The following CXADR variants were observed in gnomAD, a reference collection of about 807,000 sequenced individuals.
The protein encoded by CXADR is CXADR cell adhesion molecule.
CXADR carries 20 observed loss-of-function variants against 40.3 expected under a neutral mutation model. The ratio of observed to expected loss-of-function variants is 0.50; its 90% CI spans 0.35 to 0.72. CXADR has a LOEUF of 0.72. CXADR is among the 30% of genes least tolerant of loss of function. The pLI, the probability that CXADR is intolerant of heterozygous loss-of-function variation, is 0.01. For missense variants in CXADR, 332 were observed against 449.1 expected (o/e 0.74, Z 2.36); for synonymous variants, 150 against 161.3 (o/e 0.93, Z 0.53).
chr21:17,549,715 G>A (rs1250213548), intron 2 of CXADR, among the ~76,000 whole-genome samples: 3 of 152,178 alleles, frequency 2.0e-5, no homozygotes, highest in Non-Finnish European at 4.4e-5. Flanking sequence ...CAGCGGGAAT[G>A]CATCTTATTT....
At chr21:17,547,616 A>T (rs1375756495) in intron 2 of CXADR, among the ~76,000 whole-genome samples, 1 of 152,186 alleles carries the variant, frequency 6.6e-6, no homozygotes, top group East Asian at 1.9e-4. Flanking sequence ...GAAATTTTTA[A>T]GTTTTACCCA....
the CXADR span, among the ~76,000 whole-genome samples, chr21:17,634,639 C>T: frequency 6.6e-6 from 1 of 152,196 alleles, no homozygotes; most frequent in Non-Finnish European, 1.5e-5. Context: ...GCCTATGATA[C>T]ATCACAGACT....
chr21:17,568,754 T>C lies in CXADR; in HGVS notation c.*3062T>C, dbSNP rs2061247812. 1.0e-6 allele frequency: 1 copy of C among 985,104 alleles called. No homozygotes were observed. The highest frequency in any genetic ancestry group is 6.2e-5 in the Admixed American group (1 of 16,228). The allele number at this position is 985,104 out of a possible 1,614,324, so 61.0% of individuals were successfully genotyped here. A position where few individuals can be genotyped will look rare whatever the true frequency, so the allele number is the denominator to read the frequency against. ...TTTTTTTCTTACTGGTAATCTTAACTAATATGATTCCCTTGTTAGAGAGCC... is the reference window on the plus strand; with the variant it reads ...TTTTTTTCTTACTGGTAATCTTAACCAATATGATTCCCTTGTTAGAGAGCC... On this transcript the variant is annotated 3_prime_UTR_variant, in exon 7 of 7. Coordinates refer to ENST00000284878, the MANE Select transcript of CXADR (RefSeq NM_001338.5).
intron 1 of CXADR, among the ~76,000 whole-genome samples, chr21:17,546,552 G>C (rs938351017): frequency 2.0e-5 from 3 of 152,072 alleles, no homozygotes; most frequent in African/African-American, 7.2e-5. Flanking sequence ...TAAACAACCA[G>C]ATCTCCTGAG....
At chr21:17,585,674 C>T (rs1480219260) in intron 7 of CXADR, among the ~76,000 whole-genome samples, 10 of 152,076 alleles carry the variant, frequency 6.6e-5, no homozygotes, top group African/African-American at 2.2e-4. Context: ...CGTGCCACTA[C>T]GCCCAGCTAA....
In CXADR at chr21:17,547,043, G is replaced by A; in HGVS notation, c.60G>A (p.Leu20=). Residue 20 remains leucine, a synonymous_variant, in exon 2 of 7, where the codon TTG becomes TTA. Transcript: ENST00000284878. The part of the protein sequence containing the change: ...LCGVVDFARS[L]SITTPEEMIE... ...TTTCTCTAGATTTCGCCAGAAGTTT[G>A]AGTATCACTACTCCTGAAGAGATGA... 1.2e-6 allele frequency: 2 copies of A among 1,612,774 alleles called. No homozygotes were observed. Among genetic ancestry groups the A allele is most frequent in the Non-Finnish European group, 1.7e-6 (2 of 1,179,896 alleles).
chr21:17,582,024 C>G (rs1362548767), intron 7 of CXADR, among the ~76,000 whole-genome samples: 1 of 115,944 alleles, frequency 8.6e-6, no homozygotes, highest in African/African-American at 3.5e-5. Flanking sequence ...CACTGCAAAC[C>G]TCTGCCCTCC....
intron 7 of CXADR, among the ~76,000 whole-genome samples, chr21:17,578,330 A>G (rs953914343): frequency 5.3e-5 from 8 of 152,258 alleles, no homozygotes; most frequent in Non-Finnish European, 1.0e-4. Flanking sequence ...CTAAACTGAC[A>G]GGTGTGAGGT....
At chr21:17,634,087 TCA>T in the CXADR span, among the ~76,000 whole-genome samples, 1 of 152,278 alleles carries the variant, frequency 6.6e-6, no homozygotes, top group African/African-American at 2.4e-5. Context: ...CAGAATAGCC[TCA>T]CATACACTGG....
intron 1 of CXADR, among the ~76,000 whole-genome samples, chr21:17,529,224 G>A (rs2123156443): frequency 6.6e-6 from 1 of 151,808 alleles, no homozygotes; most frequent in South Asian, 2.1e-4. Context: ...GTAGAGACGT[G>A]GTTTCACCAT....
At chr21:17,609,268 G>C in the CXADR span, 10 of 1,001,204 alleles carry the variant, frequency 1.0e-5, no homozygotes, top group Admixed American at 2.9e-5. Flanking sequence ...ATTTTATCTT[G>C]TATTTCTTTG....
chr21:17,530,591 A>G (rs893679249), intron 1 of CXADR: 2 of 290,646 alleles, frequency 6.9e-6, no homozygotes, highest in African/African-American at 2.3e-5. Flanking sequence ...AGATGGGCCT[A>G]TCACTTGAGG....
At chr21:17,579,629 C>T (rs1018533163) in intron 7 of CXADR, among the ~76,000 whole-genome samples, 8 of 152,088 alleles carry the variant, frequency 5.3e-5, no homozygotes, top group East Asian at 1.9e-4. Flanking sequence ...ATTCCCTGGG[C>T]GGCTTGCCAG....
chr21:17,623,798 T>C, the CXADR span, among the ~76,000 whole-genome samples: 33 of 152,158 alleles, frequency 2.2e-4, no homozygotes, highest in Non-Finnish European at 4.3e-4. Flanking sequence ...ATGACACCCC[T>C]CTTTCCCCAA....
downstream of CXADR, among the ~76,000 whole-genome samples, chr21:17,572,749 G>C (rs558274729): frequency 6.2e-5 from 3 of 48,004 alleles, no homozygotes; most frequent in Non-Finnish European, 2.1e-4. Context: ...CAGACTTTTA[G>C]TGTGGTTGAA....
At chr21:17,532,133 A>G (rs1319919016) in intron 1 of CXADR, among the ~76,000 whole-genome samples, 1 of 151,802 alleles carries the variant, frequency 6.6e-6, no homozygotes. Context: ...GTGCCTTCCT[A>G]TGTTGCCCAG....
At position 17,592,796 on chromosome 21, in the gene CXADR, TAAA is replaced by T. The variant is rs149239156; in HGVS notation, c.1018-355_1018-353del. 4.5e-3 allele frequency among the ~76,000 whole-genome samples: 678 copies of T among 152,054 alleles called. 22 individuals are homozygous for T. In the East Asian group the frequency reaches 0.08, roughly 18 times the overall value. On this transcript the variant is annotated intron_variant, in intron 7 of 7. Coordinates refer to the CXADR transcript ENST00000400169. ...AGAGATGTTAAAATTGTGTATGGCT[TAAA>T]GAGTACAATATTAAAGCTAGAAAAG...
chr21:17,605,063 TTCA>T, the CXADR span: 1 of 1,541,510 alleles, frequency 6.5e-7, no homozygotes, highest in South Asian at 1.2e-5. Context: ...GTAATATCTA[TTCA>T]TACTTGCCAA....
At chr21:17,594,010 A>G (rs966825357), downstream of CXADR, 8 of 1,480,170 alleles carry the variant, frequency 5.4e-6, no homozygotes, top group Non-Finnish European at 5.4e-6. Flanking sequence ...CACTACTATT[A>G]GTAAGAACTT....
Sources: allele counts gnomAD v4.1 joint callset (sites outside exome capture counted in the v4.1 genomes callset), GRCh38; gene constraint gnomAD v4.1.1; transcripts MANE v1.5; gene names NCBI Gene and HGNC (gene_info 2026-07-23, HGNC 2026-07-21).